PHYHIPL: variants seen among roughly 807,000 people sequenced by gnomAD.
PHYHIPL encodes phytanoyl-CoA hydroxylase-interacting protein-like.
In PHYHIPL, 9 loss-of-function variants were observed where a neutral mutation model predicts 33.4. The ratio of observed to expected loss-of-function variants is 0.27; its 90% CI spans 0.16 to 0.47. PHYHIPL has a LOEUF of 0.47. PHYHIPL is among the 20% of genes least tolerant of loss of function. The pLI is 0.99. For synonymous variants in PHYHIPL, 153 were observed against 154.1 expected (o/e 0.99, Z 0.05); for missense variants, 365 against 460.7 (o/e 0.79, Z 1.90).
intron 3 of PHYHIPL, among the ~76,000 whole-genome samples, chr10:59,237,715 T>A (rs1336529985): frequency 6.6e-6 from 1 of 151,908 alleles, no homozygotes; most frequent in Non-Finnish European, 1.5e-5. Context: ...CACAGGCTAA[T>A]CTACTTCTTT....
chr10:59,218,477 A>C (rs1839676101), intron 1 of PHYHIPL, among the ~76,000 whole-genome samples: 1 of 152,192 alleles, frequency 6.6e-6, no homozygotes, highest in South Asian at 2.1e-4. Context: ...AAGTCTGTAC[A>C]ATGTAGAATG....
At chr10:59,187,445 G>A (rs1174561749) in intron 1 of PHYHIPL, among the ~76,000 whole-genome samples, 1 of 152,100 alleles carries the variant, frequency 6.6e-6, no homozygotes, top group East Asian at 1.9e-4. Context: ...TTGTGTCTCT[G>A]CCAGGCTTTG....
chr10:59,243,508 T>G (rs1397724362), intron 4 of PHYHIPL, among the ~76,000 whole-genome samples: 1 of 152,198 alleles, frequency 6.6e-6, no homozygotes, highest in African/African-American at 2.4e-5. Context: ...TTATTTATTG[T>G]GTTTCCTCAT....
chr10:59,177,627 C>G, intron 1 of PHYHIPL: 1 of 1,551,500 alleles, frequency 6.4e-7, no homozygotes, highest in Non-Finnish European at 8.7e-7. Context: ...GAGTACGTAC[C>G]ATTGCGTGTT....
chr10:59,188,477 T>C (rs538219843), intron 1 of PHYHIPL, among the ~76,000 whole-genome samples: 1 of 152,314 alleles, frequency 6.6e-6, no homozygotes, highest in Non-Finnish European at 1.5e-5. Context: ...AGATGTCTAT[T>C]AGGTCCGCTT....
chr10:59,179,837 A>G (rs922278877), intron 1 of PHYHIPL, among the ~76,000 whole-genome samples: 2 of 133,168 alleles, frequency 1.5e-5, no homozygotes, highest in African/African-American at 5.8e-5. Context: ...ATTAAGCAAG[A>G]CAGTTACACA....
chr10:59,206,342 T>A (rs1839284318), intron 1 of PHYHIPL, among the ~76,000 whole-genome samples: 1 of 152,216 alleles, frequency 6.6e-6, no homozygotes. Context: ...GAATGGGACT[T>A]CTGCCATTTG....
chr10:59,175,766 GA>G (rs1244007561), upstream of PHYHIPL, among the ~76,000 whole-genome samples: 1 of 152,232 alleles, frequency 6.6e-6, no homozygotes, highest in African/African-American at 2.4e-5. Context: ...TTGTAGCAAA[GA>G]TTCCTTCCAA....
chr10:59,239,589 A>G (rs1840330730), intron 4 of PHYHIPL, among the ~76,000 whole-genome samples: 1 of 151,982 alleles, frequency 6.6e-6, no homozygotes, highest in Non-Finnish European at 1.5e-5. Flanking sequence ...TTTAAATTCT[A>G]GTGATTTTAC....
At chr10:59,180,574 G>A (rs1267937949) in intron 1 of PHYHIPL, among the ~76,000 whole-genome samples, 1 of 151,502 alleles carries the variant, frequency 6.6e-6, no homozygotes, top group Non-Finnish European at 1.5e-5. Context: ...TAAACCATAG[G>A]GTTTATGATG....
At chr10:59,186,082 G>C (rs1289511905) in intron 1 of PHYHIPL, among the ~76,000 whole-genome samples, 1 of 152,056 alleles carries the variant, frequency 6.6e-6, no homozygotes, top group Non-Finnish European at 1.5e-5. Flanking sequence ...TTTCTTCTAG[G>C]GTTTTTATGG....
intron 1 of PHYHIPL, among the ~76,000 whole-genome samples, chr10:59,214,820 T>C (rs1230923860): frequency 6.6e-6 from 1 of 152,030 alleles, no homozygotes; most frequent in Non-Finnish European, 1.5e-5. Context: ...ATTGCCCAGA[T>C]GATGGTATTG....
intron 4 of PHYHIPL, 85 bp from the exon 5 acceptor site, chr10:59,244,972 G>A: frequency 7.1e-7 from 1 of 1,409,154 alleles, no homozygotes; most frequent in Non-Finnish European, 9.6e-7. Flanking sequence ...AACAGTAGAT[G>A]TTTGACTTTT....
At chr10:59,190,018 C>A (rs998239484) in intron 1 of PHYHIPL, among the ~76,000 whole-genome samples, 1 of 151,896 alleles carries the variant, frequency 6.6e-6, no homozygotes, top group South Asian at 2.1e-4. Flanking sequence ...TTCAAACTTT[C>A]TAATTTGTGG....
At chr10:59,210,983 T>C (rs1485871928) in intron 1 of PHYHIPL, among the ~76,000 whole-genome samples, 1 of 151,912 alleles carries the variant, frequency 6.6e-6, no homozygotes, top group Admixed American at 6.6e-5. Flanking sequence ...TAATGATGGG[T>C]TGATGGGTGT....
chr10:59,184,048 A>G (rs1182019443), intron 1 of PHYHIPL, among the ~76,000 whole-genome samples: 4 of 152,194 alleles, frequency 2.6e-5, no homozygotes, highest in Admixed American at 2.0e-4. Flanking sequence ...CTGTTGATAA[A>G]TGCCAACAAG....
In PHYHIPL at chr10:59,234,501, G is replaced by C; in HGVS notation, c.303+1G>C. On this transcript the variant is annotated splice_donor_variant, in intron 2 of 4. Transcript: ENST00000373880. LOFTEE classifies it high-confidence loss of function. ...GAACTCCAATAAATTTAAACACAAG[G>C]TAAAATCTAACAAATACTCATGCTA... The C allele has an allele frequency of 6.5e-7, 1 of 1,528,862 alleles. No homozygotes were observed. Among genetic ancestry groups the C allele is most frequent in the Non-Finnish European group, 8.7e-7 (1 of 1,143,786 alleles). The allele number at this position is 1,528,862 out of a possible 1,614,324, so 94.7% of individuals were successfully genotyped here.
At chr10:59,211,872 A>G (rs1325021867) in intron 1 of PHYHIPL, among the ~76,000 whole-genome samples, 1 of 152,112 alleles carries the variant, frequency 6.6e-6, no homozygotes, top group African/African-American at 2.4e-5. Flanking sequence ...TGATTTTTAC[A>G]TTTCCTTTCT....
chr10:59,176,997 T>A (rs763167199), intron 1 of PHYHIPL, 38 bp downstream of exon 1: 43 of 1,585,042 alleles, frequency 2.7e-5, no homozygotes, highest in Non-Finnish European at 3.7e-5. Context: ...GGGACAGAGT[T>A]CGCGCCGAGG....
Sources: allele counts gnomAD v4.1 joint callset (sites outside exome capture counted in the v4.1 genomes callset), GRCh38; gene constraint gnomAD v4.1.1; transcripts MANE v1.5; gene names NCBI Gene and HGNC (gene_info 2026-07-23, HGNC 2026-07-21).